Variants in NOC2L observed in about 807,000 individuals in gnomAD.
NOC2L encodes the protein NOC2 like nucleolar associated transcriptional repressor, also known as nucleolar complex protein 2 homolog.
NOC2L carries 101 observed loss-of-function variants against 94.2 expected under a neutral mutation model. That is an observed-to-expected ratio of 1.07 (90% CI 0.91 to 1.26). The LOEUF is 1.26. Among genes scored for constraint, NOC2L ranks in the 50% most tolerant of loss-of-function variants. The probability of loss-of-function intolerance (pLI) is 0.00; values close to 1 mark genes in which losing one functional copy is unlikely to be tolerated. For missense variants in NOC2L, 1,076 were observed against 980.1 expected, an observed-to-expected ratio of 1.10 and a Z score of -1.31; for synonymous variants, 531 against 413.4, an observed-to-expected ratio of 1.28 and a Z score of -3.45.
intron 4 of NOC2L, 123 bp from the exon 5 acceptor site, chr1:956,338 G>T: frequency 8.8e-7 from 1 of 1,132,240 alleles, no homozygotes; most frequent in Non-Finnish European, 1.3e-6. Context: ...GAGGTTGGGG[G>T]GAGGCACAGA....
chr1:947,361 T>G (rs1289325404), intron 14 of NOC2L, among the ~76,000 whole-genome samples: 1 of 152,094 alleles, frequency 6.6e-6, no homozygotes, highest in African/African-American at 2.4e-5. Flanking sequence ...GCATGTGACA[T>G]GTGTGGCCGT....
Position 958,950 on chromosome 1 carries a change from G to C in NOC2L, c.158C>G (p.Pro53Arg). Reference sequence around the variant, plus strand: ...TAACCTGGCCGAGGGGCTCCCGCCCGGCTTATCCGGACTCCGGGCAGCCTC... The same window carrying C: ...TAACCTGGCCGAGGGGCTCCCGCCCCGCTTATCCGGACTCCGGGCAGCCTC... ...AREAARSPDK[P>R]GGSPSASRRK... The change falls in exon 2 of 19, where the codon CCG becomes CGG. Residue 53 changes from proline to arginine, a missense_variant. Physicochemically the swap from Pro to Arg is moderately radical, Grantham distance 103. Coordinates refer to ENST00000327044, the MANE Select transcript of NOC2L (RefSeq NM_015658.4). The C allele has an allele frequency of 1.9e-6, 3 of 1,612,724 alleles. No homozygotes were observed. Among genetic ancestry groups the C allele is most frequent in the Non-Finnish European group, 1.7e-6 (2 of 1,179,954 alleles).
rs746557884 is a variant in NOC2L at position 958,764 on chromosome 1, G to A, written c.179+165C>T. 5 of 762,122 alleles carry A rather than the reference G, an allele frequency of 6.6e-6. No homozygotes were observed. In the African/African-American group the frequency reaches 8.6e-5, roughly 13 times the overall value. The allele number at this position is 762,122 out of a possible 1,614,324, so 47.2% of individuals were successfully genotyped here. Reference sequence around the variant, plus strand: ...TAGGACAGAGTTTGGCACGGAACAGGAGCTCAGTAAACATCGGATGAAAGA... The same window carrying A: ...TAGGACAGAGTTTGGCACGGAACAGAAGCTCAGTAAACATCGGATGAAAGA... On this transcript the variant is annotated intron_variant, in intron 2 of 18. Coordinates refer to ENST00000327044, the MANE Select transcript of NOC2L (RefSeq NM_015658.4).
At chr1:954,178 T>C (rs1642338101) in intron 6 of NOC2L, 96 bp from the exon 7 acceptor site, 1 of 1,179,672 alleles carries the variant, frequency 8.5e-7, no homozygotes, top group South Asian at 1.4e-5. Flanking sequence ...GCATAGCCTC[T>C]ACGACTCTGC....
chr1:944,608 C>G lies in NOC2L; in HGVS notation c.*86G>C, dbSNP rs940111853. The stretch of plus-strand genomic sequence containing the variant: ...CTACTGCCTCCCCCAACTGCACAGA[C>G]GCCAGCCTCTAGGCCTGACTGCCAG... On this transcript the variant is annotated 3_prime_UTR_variant, in exon 19 of 19. Transcript: ENST00000327044. The G allele has an allele frequency of 9.9e-6, 8 of 808,954 alleles. No homozygotes were observed. Among genetic ancestry groups the G allele is most frequent in the Non-Finnish European group, 5.9e-6 (3 of 505,924 alleles). 50.1% of individuals were successfully genotyped at this position (808,954 alleles called of 1,614,324 possible).
At chr1:948,845 AG>A (rs1332682542) in intron 12 of NOC2L, among the ~76,000 whole-genome samples, 3 of 152,124 alleles carry the variant, frequency 2.0e-5, no homozygotes, top group African/African-American at 4.8e-5. Context: ...TCTGATCAGC[AG>A]GGAAGGATCA....
In NOC2L at chr1:944,618, T is replaced by G. The variant is rs898517365; in HGVS notation, c.*76A>C. 3.7e-5 allele frequency: 33 copies of G among 900,420 alleles called. No homozygotes were observed. Among genetic ancestry groups the G allele is most frequent in the Non-Finnish European group, 5.6e-5 (32 of 574,812 alleles). 55.8% of individuals were successfully genotyped at this position (900,420 alleles called of 1,614,324 possible). A position where few individuals can be genotyped will look rare whatever the true frequency, so the allele number is the denominator to read the frequency against. ...CCCCAACTGCACAGACGCCAGCCTC[T>G]AGGCCTGACTGCCAGGGAGGTGGAA... On this transcript the variant is annotated 3_prime_UTR_variant, in exon 19 of 19. Transcript: ENST00000327044.
chr1:949,018 G>A (rs1278867806), intron 12 of NOC2L, among the ~76,000 whole-genome samples: 2 of 136,402 alleles, frequency 1.5e-5, no homozygotes, highest in Non-Finnish European at 3.1e-5. Context: ...ATGGGGCTCC[G>A]TCCCGAGCAA....
rs1642505527 is a variant in NOC2L at position 959,091 on chromosome 1, A to G, written c.27-10T>C. On this transcript the variant is annotated splice_polypyrimidine_tract_variant and intron_variant, in intron 1 of 18. Coordinates refer to ENST00000327044, the MANE Select transcript of NOC2L (RefSeq NM_015658.4). Reference sequence around the variant, plus strand: ...CAGCTCCGCCAGGCGCCTGCGGGTCACGCAGGAGTCACAGCTGCCCGCACG... The same window carrying G: ...CAGCTCCGCCAGGCGCCTGCGGGTCGCGCAGGAGTCACAGCTGCCCGCACG... The G allele has an allele frequency of 6.2e-7, 1 of 1,609,204 alleles. No individual in the cohort carries two copies. Among genetic ancestry groups the G allele is most frequent in the Admixed American group, 1.7e-5 (1 of 59,824 alleles).
intron 2 of NOC2L, 115 bp downstream of exon 2, chr1:958,814 G>A (rs781557553): frequency 2.9e-6 from 3 of 1,022,878 alleles, no homozygotes; most frequent in Non-Finnish European, 4.6e-6. Flanking sequence ...AAGGACTGGG[G>A]GGCAGAGGTC....
chr1:950,292 C>T (rs1246538955), intron 12 of NOC2L, among the ~76,000 whole-genome samples: 3 of 151,954 alleles, frequency 2.0e-5, no homozygotes, highest in Non-Finnish European at 2.9e-5. Context: ...CACATAGGTG[C>T]ACACAGGTAC....
chr1:956,326 C>G, intron 4 of NOC2L, 111 bp from the exon 5 acceptor site: 2 of 1,316,026 alleles, frequency 1.5e-6, no homozygotes, highest in Non-Finnish European at 2.1e-6. Flanking sequence ...AGACATAGGG[C>G]AGAGGTTGGG....
In NOC2L at chr1:948,489, C is replaced by A. The variant is rs771825911; in HGVS notation, c.1557+1G>T. 2 of 1,611,068 alleles carry A rather than the reference C, an allele frequency of 1.2e-6. No homozygotes were observed. The highest frequency in any genetic ancestry group is 1.7e-6 in the Non-Finnish European group (2 of 1,178,022). ...GCCCCTCCCCAGGAGGCCAGCCTCA[C>A]CCGGTACGCCTTCTCCTGCAGGTTG... On this transcript the variant is annotated splice_donor_variant, in intron 13 of 18. Transcript: ENST00000327044. LOFTEE classifies it high-confidence loss of function.
Position 958,784 on chromosome 1 carries a change from G to C in NOC2L, c.179+145C>G, listed in dbSNP as rs774617197. 4.9e-6 allele frequency: 4 copies of C among 822,488 alleles called. No individual in the cohort carries two copies. The Admixed American group carries it at 5.8e-5, about 12-fold the overall frequency. The allele number at this position is 822,488 out of a possible 1,614,324, so 50.9% of individuals were successfully genotyped here. On this transcript the variant is annotated intron_variant, in intron 2 of 18. Transcript: ENST00000327044. ...AACAGGAGCTCAGTAAACATCGGAT[G>C]AAAGAGTAAGTTAAGCTGAAAGGAC...
rs897363471 is a variant in NOC2L at position 948,405 on chromosome 1, G to A, written c.1557+85C>T. On this transcript the variant is annotated intron_variant, in intron 13 of 18. Coordinates refer to ENST00000327044, the MANE Select transcript of NOC2L (RefSeq NM_015658.4). ...TGAAGGTCCATGCTTGAACTTGGAG[G>A]ATGCCAGCCCCCTCCCATCCACCTC... 8.8e-6 allele frequency: 10 copies of A among 1,139,106 alleles called. No homozygotes were observed. The African/African-American group carries it at 1.2e-4, about 14-fold the overall frequency. 70.6% of individuals were successfully genotyped at this position (1,139,106 alleles called of 1,614,324 possible).
chr1:949,261 T>C (rs1351149753), intron 12 of NOC2L, among the ~76,000 whole-genome samples: 1 of 152,182 alleles, frequency 6.6e-6, no homozygotes, highest in African/African-American at 2.4e-5. Context: ...CCAGGGTACA[T>C]GCTGGGGCAC....
Position 955,981 on chromosome 1 carries a change from C to G in NOC2L, c.640G>C (p.Asp214His), listed in dbSNP as rs762699507. The G allele has an allele frequency of 3.1e-6, 5 of 1,613,348 alleles. No individual in the cohort carries two copies. In the South Asian group the frequency reaches 5.5e-5, roughly 18 times the overall value. ...FNALVTFCIRDLIGCLQKLLF... is the reference protein window; with the variant it reads ...FNALVTFCIRHLIGCLQKLLF... ...AGCTTCTGGAGACAGCCAATGAGGT[C>G]TCTGATGCAGAAGGTAACCAGAGCA... The change falls in exon 6 of 19, where the codon GAC (aspartate) becomes CAC (histidine). Residue 214 changes from aspartate to histidine, a missense_variant. Asp to His is a moderately conservative substitution (Grantham distance 81). Coordinates refer to ENST00000327044, the MANE Select transcript of NOC2L (RefSeq NM_015658.4).
chr1:953,157 C>T lies in NOC2L; in HGVS notation c.1002+18G>A, dbSNP rs776884871. The T allele has an allele frequency of 2.0e-5, 31 of 1,562,832 alleles. No homozygotes were observed. The highest frequency in any genetic ancestry group is 1.7e-4 in the Middle Eastern group (1 of 5,956). ...CAATGCAGATGCTGAGGGACACAGACGCAGGGCCCACCACTACCTTGAGGA... is the reference window on the plus strand; with the variant it reads ...CAATGCAGATGCTGAGGGACACAGATGCAGGGCCCACCACTACCTTGAGGA... On this transcript the variant is annotated intron_variant, in intron 9 of 18. Coordinates refer to ENST00000327044, the MANE Select transcript of NOC2L (RefSeq NM_015658.4).
intron 18 of NOC2L, 43 bp downstream of exon 18, chr1:945,014 A>G (rs1291793575): frequency 8.1e-6 from 13 of 1,613,194 alleles, no homozygotes; most frequent in Non-Finnish European, 1.1e-5. Context: ...CTCCCGCCAG[A>G]TGGGCTCACA....
Sources: allele counts gnomAD v4.1 joint callset (sites outside exome capture counted in the v4.1 genomes callset), GRCh38; gene constraint gnomAD v4.1.1; transcripts MANE v1.5; gene names NCBI Gene and HGNC (gene_info 2026-07-23, HGNC 2026-07-21).